ZPBP: variants seen among roughly 807,000 people sequenced by gnomAD.
ZPBP encodes the protein zona pellucida binding protein.
A neutral mutation model predicts 44.8 loss-of-function variants in ZPBP; 26 were observed. The ratio of observed to expected loss-of-function variants is 0.58; its 90% CI spans 0.43 to 0.81. The LOEUF is 0.81. ZPBP is among the 30% of genes least tolerant of loss of function. The pLI is 0.00. For missense variants in ZPBP, 409 were observed against 434.0 expected (o/e 0.94, Z 0.51); for synonymous variants, 174 against 153.2 (o/e 1.14, Z -1.00).
intron 3 of ZPBP, among the ~76,000 whole-genome samples, chr7:50,062,149 A>G (rs1356749378): frequency 6.6e-6 from 1 of 152,228 alleles, no homozygotes; most frequent in South Asian, 2.1e-4. Context: ...TGAGAATTAC[A>G]AAGTACTGCT....
At chr7:49,985,659 A>C (rs1797238713) in intron 6 of ZPBP, among the ~76,000 whole-genome samples, 1 of 134,070 alleles carries the variant, frequency 7.5e-6, no homozygotes. Context: ...AAAAAAAAAA[A>C]ACCTAAATGA....
At chr7:49,951,966 T>C (rs923580746) in intron 7 of ZPBP, among the ~76,000 whole-genome samples, 4 of 151,776 alleles carry the variant, frequency 2.6e-5, no homozygotes, top group Non-Finnish European at 5.9e-5. Context: ...AAAAGCCAGA[T>C]ACAAAATAAT....
intron 2 of ZPBP, among the ~76,000 whole-genome samples, chr7:49,877,003 G>A (rs553675831): frequency 6.6e-6 from 1 of 152,218 alleles, no homozygotes; most frequent in East Asian, 1.9e-4. Flanking sequence ...CCTTAGGACA[G>A]TCTTGGGGTG....
intron 7 of ZPBP, among the ~76,000 whole-genome samples, chr7:49,971,835 C>T (rs879086697): frequency 6.6e-6 from 1 of 151,694 alleles, no homozygotes; most frequent in Admixed American, 6.6e-5. Context: ...ATTACTGATC[C>T]AAAATTCAAT....
the ZPBP span, among the ~76,000 whole-genome samples, chr7:49,842,192 A>G: frequency 1.3e-5 from 2 of 152,156 alleles, no homozygotes; most frequent in African/African-American, 2.4e-5. Flanking sequence ...AAGTGATGTC[A>G]TTAGTGTTAT....
chr7:49,849,211 AC>A (rs138189313), downstream of ZPBP, among the ~76,000 whole-genome samples: 243 of 152,304 alleles, frequency 1.6e-3, 3 homozygotes, highest in East Asian at 0.039. Context: ...GGAAACCAAT[AC>A]AGTCACCATC....
At chr7:49,986,127 G>A (rs942089139) in intron 6 of ZPBP, among the ~76,000 whole-genome samples, 1 of 152,130 alleles carries the variant, frequency 6.6e-6, no homozygotes, top group Non-Finnish European at 1.5e-5. Context: ...GGCCCATGTG[G>A]GGACATGAAG....
chr7:49,937,963 T>C lies in ZPBP; in HGVS notation c.962-341A>G, dbSNP rs553853215. On this transcript the variant is annotated intron_variant, in intron 7 of 7. Transcript: ENST00000046087. ...TGGATCCCTTGCATGCATGCACAGT[T>C]GACAATAGGGTTGGTACTCCTATGA... Among the ~76,000 whole-genome samples, 23 of 152,268 alleles carry C rather than the reference T, an allele frequency of 1.5e-4. No homozygotes were observed. In the South Asian group the frequency reaches 2.5e-3, roughly 16 times the overall value.
chr7:49,909,472 A>G (rs959761229), intron 1 of ZPBP, among the ~76,000 whole-genome samples: 1 of 152,140 alleles, frequency 6.6e-6, no homozygotes, highest in African/African-American at 2.4e-5. Context: ...GGAGGCAGCA[A>G]ACTGTGGAGG....
chr7:50,038,116 G>A (rs1465788087), intron 4 of ZPBP, among the ~76,000 whole-genome samples: 1 of 152,040 alleles, frequency 6.6e-6, no homozygotes, highest in Non-Finnish European at 1.5e-5. Flanking sequence ...TGATACCTAC[G>A]ACTCCTGCTA....
intron 7 of ZPBP, among the ~76,000 whole-genome samples, chr7:49,953,702 T>C (rs894835965): frequency 6.6e-6 from 1 of 151,950 alleles, no homozygotes; most frequent in Non-Finnish European, 1.5e-5. Context: ...TGTGCAGTAA[T>C]AAGAGGCAGG....
At chr7:49,878,729 C>G (rs995579906) in intron 2 of ZPBP, among the ~76,000 whole-genome samples, 1 of 152,116 alleles carries the variant, frequency 6.6e-6, no homozygotes, top group Non-Finnish European at 1.5e-5. Flanking sequence ...ATTGCTCATG[C>G]ACGATTTTCT....
At chr7:49,984,437 C>T (rs1294946809) in intron 6 of ZPBP, among the ~76,000 whole-genome samples, 2 of 152,098 alleles carry the variant, frequency 1.3e-5, no homozygotes, top group East Asian at 3.9e-4. Flanking sequence ...GGTTCATAAC[C>T]TTTTTGGCAC....
At chr7:50,074,583 C>A (rs1368132583) in intron 3 of ZPBP, among the ~76,000 whole-genome samples, 1 of 151,852 alleles carries the variant, frequency 6.6e-6, no homozygotes, top group Non-Finnish European at 1.5e-5. Context: ...AAAGATACTT[C>A]ATGCCAATGG....
chr7:49,943,183 C>A, intron 7 of ZPBP: 1 of 314,262 alleles, frequency 3.2e-6, no homozygotes, highest in South Asian at 3.1e-5. Context: ...TCAATAAAGT[C>A]CTCAGCATTC....
intron 4 of ZPBP, among the ~76,000 whole-genome samples, chr7:50,048,156 G>A (rs143869921): frequency 6.6e-6 from 1 of 151,966 alleles, no homozygotes; most frequent in East Asian, 1.9e-4. Context: ...AAACAACAAC[G>A]AAAAGTTACT....
Position 50,081,877 on chromosome 7 carries a change from A to C in ZPBP, c.231T>G (p.His77Gln), listed in dbSNP as rs761207136. 6.2e-7 allele frequency: 1 copy of C among 1,611,154 alleles called. No individual in the cohort carries two copies. The highest frequency in any genetic ancestry group is 8.5e-7 in the Non-Finnish European group (1 of 1,178,026). ...CACATAACACGTGTGGACTCTTTTG[A>C]TGGAGCATGACATACGCTTTCACTG... is the stretch of plus-strand genomic sequence containing the variant. Reference protein sequence around the residue: ...SFPVKAYVMLHQKSPHVLCVT... With the variant: ...SFPVKAYVMLQQKSPHVLCVT... The change falls in exon 3 of 8, where the codon CAT (histidine) becomes CAG (glutamine). Residue 77 changes from histidine to glutamine, a missense_variant. This residue lies in a region of ZPBP where 367 missense variants were observed against 363.1 expected (regional missense o/e 1.01). Transcript: ENST00000046087.
At chr7:49,898,198 A>G (rs1232175984) in intron 2 of ZPBP, among the ~76,000 whole-genome samples, 1 of 152,004 alleles carries the variant, frequency 6.6e-6, no homozygotes, top group East Asian at 1.9e-4. Context: ...GTGTGTATAT[A>G]TGTATGCTTT....
At chr7:49,943,117 T>C in intron 7 of ZPBP, 1 of 332,370 alleles carries the variant, frequency 3.0e-6, no homozygotes, top group African/African-American at 2.2e-5. Context: ...CCACAGTCAG[T>C]AAGTCAGTAA....
Sources: gnomAD v4.1 joint callset for allele counts (sites outside exome capture counted in the v4.1 genomes callset) on GRCh38, gnomAD v4.1.1 for gene constraint, gnomAD v4.1.1 regional missense constraint, MANE v1.5 for transcripts, NCBI Gene and HGNC (gene_info 2026-07-23, HGNC 2026-07-21) for gene names.